Variants in ROBO2 observed in about 807,000 individuals in gnomAD.
ROBO2 encodes roundabout guidance receptor 2.
In ROBO2, 53 loss-of-function variants were observed where a neutral mutation model predicts 160.8. That is an observed-to-expected ratio of 0.33 (90% CI 0.26 to 0.41). The LOEUF (loss-of-function observed/expected upper bound fraction) is 0.41. Among genes scored for constraint, ROBO2 ranks in the 10% least tolerant of loss-of-function variants. ROBO2 has a pLI of 1.00. For synonymous variants in ROBO2, 664 were observed against 611.7 expected (o/e 1.09, Z -1.26); for missense variants, 1,577 against 1,722.4 (o/e 0.92, Z 1.49).
chr3:76,617,418 AACTT>A (rs1350815308), intron 2 of ROBO2, among the ~76,000 whole-genome samples: 3 of 152,174 alleles, frequency 2.0e-5, no homozygotes, highest in African/African-American at 4.8e-5. Context: ...ATCTTTCTGA[AACTT>A]AGTAAGGATT....
chr3:77,114,783 T>A (rs1441568430), intron 2 of ROBO2, among the ~76,000 whole-genome samples: 1 of 152,154 alleles, frequency 6.6e-6, no homozygotes, highest in Non-Finnish European at 1.5e-5. Context: ...AAGAAGTAAT[T>A]TTTTTACTCA....
chr3:76,560,876 G>A (rs577315177), intron 2 of ROBO2, among the ~76,000 whole-genome samples: 2 of 148,086 alleles, frequency 1.4e-5, no homozygotes, highest in South Asian at 4.2e-4. Flanking sequence ...GGGGTATCAT[G>A]AGGGTATCAT....
chr3:77,562,031 A>G (rs1347401832), intron 9 of ROBO2, among the ~76,000 whole-genome samples: 3 of 152,016 alleles, frequency 2.0e-5, no homozygotes, highest in African/African-American at 4.8e-5. Flanking sequence ...TGAACCTAGG[A>G]GGCAGAGGTT....
chr3:77,094,166 C>T (rs542104221), intron 1 of ROBO2, among the ~76,000 whole-genome samples: 1 of 152,146 alleles, frequency 6.6e-6, no homozygotes, highest in Non-Finnish European at 1.5e-5. Context: ...CTTCCATACC[C>T]CAGCCCTAGG....
At chr3:76,941,320 A>G (rs1221889296) in intron 2 of ROBO2, among the ~76,000 whole-genome samples, 1 of 152,144 alleles carries the variant, frequency 6.6e-6, no homozygotes, top group East Asian at 1.9e-4. Context: ...TTAAATATAA[A>G]TTTGTTAATT....
chr3:77,344,978 A>G (rs2067472587), intron 2 of ROBO2, among the ~76,000 whole-genome samples: 1 of 152,066 alleles, frequency 6.6e-6, no homozygotes, highest in African/African-American at 2.4e-5. Context: ...ATGACAAATT[A>G]CCCCAAAGCT....
intron 2 of ROBO2, among the ~76,000 whole-genome samples, chr3:77,139,339 C>T (rs2076524759): frequency 6.6e-6 from 1 of 152,084 alleles, no homozygotes; most frequent in African/African-American, 2.4e-5. Context: ...CTTCCATGTA[C>T]TTTATTCCAT....
intron 1 of ROBO2, among the ~76,000 whole-genome samples, chr3:75,924,681 CTTTTTTTTTTT>C (rs60599175): frequency 3.0e-5 from 2 of 66,014 alleles, no homozygotes; most frequent in Non-Finnish European, 4.9e-5. Context: ...ATTTTCTTTT[CTTTTTTTTTTT>C]TTTTTTTTTT....
chr3:76,354,566 G>T (rs2075049852), intron 2 of ROBO2, among the ~76,000 whole-genome samples: 1 of 151,670 alleles, frequency 6.6e-6, no homozygotes, highest in South Asian at 2.1e-4. Context: ...TGCTTTGTTT[G>T]TGGGAAGTTA....
chr3:76,220,785 AT>A (rs2107403729), intron 2 of ROBO2, among the ~76,000 whole-genome samples: 1 of 152,302 alleles, frequency 6.6e-6, no homozygotes, highest in South Asian at 2.1e-4. Context: ...TCAAAACAAA[AT>A]AAGGAGGAAA....
chr3:76,471,011 T>C (rs1264483589), intron 2 of ROBO2, among the ~76,000 whole-genome samples: 1 of 145,558 alleles, frequency 6.9e-6, no homozygotes, highest in South Asian at 2.1e-4. Flanking sequence ...ATTTGTTTTT[T>C]ATTTGCTAGG....
intron 2 of ROBO2, among the ~76,000 whole-genome samples, chr3:77,366,337 G>A (rs2070865423): frequency 1.3e-5 from 2 of 152,022 alleles, no homozygotes; most frequent in African/African-American, 2.4e-5. Context: ...GGACTTTCGG[G>A]AAATGATTAT....
At chr3:76,431,065 G>A (rs2076416111) in intron 2 of ROBO2, among the ~76,000 whole-genome samples, 2 of 151,986 alleles carry the variant, frequency 1.3e-5, no homozygotes, top group Admixed American at 1.3e-4. Context: ...AAATAACTCA[G>A]CAGTAGAAGA....
At chr3:77,044,057 A>G (rs2064368554) in intron 1 of ROBO2, among the ~76,000 whole-genome samples, 1 of 152,124 alleles carries the variant, frequency 6.6e-6, no homozygotes, top group African/African-American at 2.4e-5. Flanking sequence ...TTTTGAAGCT[A>G]TGCAGTAATA....
intron 2 of ROBO2, among the ~76,000 whole-genome samples, chr3:76,269,459 T>C (rs1707294212): frequency 6.6e-6 from 1 of 152,040 alleles, no homozygotes; most frequent in African/African-American, 2.4e-5. Context: ...CAAATATATG[T>C]AAACCAAAAT....
At chr3:76,754,327 A>G (rs2060844090) in intron 2 of ROBO2, among the ~76,000 whole-genome samples, 1 of 151,936 alleles carries the variant, frequency 6.6e-6, no homozygotes. Context: ...TATTCTGTAT[A>G]TTAGTATCTG....
chr3:76,442,286 C>T lies in ROBO2; in HGVS notation c.109+504684C>T, dbSNP rs201316453. On this transcript the variant is annotated intron_variant, in intron 2 of 26. Coordinates refer to the ROBO2 transcript ENST00000487694. ...TCTGCGTCAAAAACTGCCCCAGCAA[C>T]TTATCCCTCCATATCCTAATTTAAT... 5.6e-4 allele frequency among the ~76,000 whole-genome samples: 85 copies of T among 152,296 alleles called. 1 individual carries two copies. The East Asian group carries it at 0.014, about 25-fold the overall frequency.
Position 76,748,301 on chromosome 3 carries a change from TAAAG to T in ROBO2, c.110-349709_110-349706del, listed in dbSNP as rs71629610. Among the ~76,000 whole-genome samples, 930 of 151,702 alleles carry T rather than the reference TAAAG, an allele frequency of 6.1e-3. 5 individuals are homozygous for T. Among genetic ancestry groups the T allele is most frequent in the Non-Finnish European group, 9.0e-3 (609 of 67,806 alleles). ...TATTAAAGTATTATTTGTATAAAAATAAAGAAATCAAAATACTAGAGAAAAGTAA... is the reference window on the plus strand; with the variant it reads ...TATTAAAGTATTATTTGTATAAAAATAAATCAAAATACTAGAGAAAAGTAA... On this transcript the variant is annotated intron_variant, in intron 2 of 26. Coordinates refer to the ROBO2 transcript ENST00000487694.
At chr3:77,085,530 T>A (rs149323830) in intron 1 of ROBO2, among the ~76,000 whole-genome samples, 1 of 152,202 alleles carries the variant, frequency 6.6e-6, no homozygotes, top group Non-Finnish European at 1.5e-5. Context: ...TTTGGCCAAC[T>A]GTGAAAATCC....
Sources: gnomAD v4.1 joint callset for allele counts (sites outside exome capture counted in the v4.1 genomes callset) on GRCh38, gnomAD v4.1.1 for gene constraint, MANE v1.5 for transcripts, NCBI Gene and HGNC (gene_info 2026-07-23, HGNC 2026-07-21) for gene names.